RNU4ATAC: variants seen among roughly 807,000 people sequenced by gnomAD.
RNU4ATAC encodes RNA, U4atac small nuclear.
Position 121,531,005 on chromosome 2 carries a change from A to G in RNU4ATAC, n.125A>G, listed in dbSNP as rs1053541578. 2.9e-5 allele frequency: 20 copies of G among 700,228 alleles called. No homozygotes were observed. Among genetic ancestry groups the G allele is most frequent in the Admixed American group, 1.4e-4 (7 of 49,974 alleles). The allele number at this position is 700,228 out of a possible 1,614,324, so 43.4% of individuals were successfully genotyped here. ...GCTTTATTTTGGTGCAATTTTTGGAAAAATGAAAACCTGTTTTCATAGACT... is the reference window on the plus strand; with the variant it reads ...GCTTTATTTTGGTGCAATTTTTGGAGAAATGAAAACCTGTTTTCATAGACT... On this transcript the variant is annotated non_coding_transcript_exon_variant, in exon 1 of 1. Transcript: ENST00000580972.
chr2:121,530,997 T>G (rs863225423), exon 1 of RNU4ATAC: 2 of 700,202 alleles, frequency 2.9e-6, no homozygotes, highest in South Asian at 1.5e-5. Context: ...TTTGGTGCAA[T>G]TTTTGGAAAA....
Position 121,530,958 on chromosome 2 carries a change from A to C in RNU4ATAC, n.78A>C, listed in dbSNP as rs754148812. On this transcript the variant is annotated non_coding_transcript_exon_variant, in exon 1 of 1. Coordinates refer to ENST00000580972, the Ensembl canonical transcript of RNU4ATAC. Reference sequence around the variant, plus strand: ...AGTACTGCTAACGCCTGAACAACACACCCGCATCAACTAGAGCTTTTGCTT... The same window carrying C: ...AGTACTGCTAACGCCTGAACAACACCCCCGCATCAACTAGAGCTTTTGCTT... The C allele has an allele frequency of 1.0e-5, 7 of 700,232 alleles. No individual in the cohort carries two copies. The highest frequency in any genetic ancestry group is 5.4e-5 in the East Asian group (2 of 37,306). The allele number at this position is 700,232 out of a possible 1,614,324, so 43.4% of individuals were successfully genotyped here.
At chr2:121,530,896 G>T in exon 1 of RNU4ATAC, 2 of 694,744 alleles carry the variant, frequency 2.9e-6, no homozygotes, top group Non-Finnish European at 2.6e-6. Context: ...CCTTTTCTTG[G>T]GGTTGCGCTA....
chr2:121,530,962 GCA>G (rs1559534654), exon 1 of RNU4ATAC: 1 of 700,380 alleles, frequency 1.4e-6, no homozygotes, highest in East Asian at 2.7e-5. Context: ...CAACACACCC[GCA>G]TCAACTAGAG....
rs544312701 is a variant in RNU4ATAC, at chr2:121,531,003, G to A, written n.123G>A. On this transcript the variant is annotated non_coding_transcript_exon_variant, in exon 1 of 1. Transcript: ENST00000580972. ...TTGCTTTATTTTGGTGCAATTTTTGGAAAAATGAAAACCTGTTTTCATAGA... is the reference window on the plus strand; with the variant it reads ...TTGCTTTATTTTGGTGCAATTTTTGAAAAAATGAAAACCTGTTTTCATAGA... The A allele has an allele frequency of 3.7e-5, 26 of 700,188 alleles. No homozygotes were observed. Among genetic ancestry groups the A allele is most frequent in the African/African-American group, 1.4e-4 (8 of 57,254 alleles). 43.4% of individuals were successfully genotyped at this position (700,188 alleles called of 1,614,324 possible).
chr2:121,530,929 G>A lies in RNU4ATAC; in HGVS notation n.49G>A, dbSNP rs181195449. On this transcript the variant is annotated non_coding_transcript_exon_variant, in exon 1 of 1. Coordinates refer to ENST00000580972, the Ensembl canonical transcript of RNU4ATAC. ...CTACTGTCCAATGAGCGCATAGTGA[G>A]GGCAGTACTGCTAACGCCTGAACAA... is the stretch of plus-strand genomic sequence containing the variant. 1.7e-4 allele frequency: 117 copies of A among 700,228 alleles called. No individual in the cohort carries two copies. Among genetic ancestry groups the A allele is most frequent in the Middle Eastern group, 3.6e-4 (1 of 2,758 alleles). The allele number at this position is 700,228 out of a possible 1,614,324, so 43.4% of individuals were successfully genotyped here.
At chr2:121,530,901 G>T (rs879429057) in exon 1 of RNU4ATAC, 3 of 695,712 alleles carry the variant, frequency 4.3e-6, no homozygotes, top group East Asian at 2.7e-5. Context: ...TCTTGGGGTT[G>T]CGCTACTGTC....
rs555609754 is a variant in RNU4ATAC at position 121,530,921 on chromosome 2, C to G, written n.41C>G. 91 of 699,762 alleles carry G rather than the reference C, an allele frequency of 1.3e-4. No homozygotes were observed. Among genetic ancestry groups the G allele is most frequent in the Admixed American group, 6.8e-4 (34 of 49,986 alleles). 43.3% of individuals were successfully genotyped at this position (699,762 alleles called of 1,614,324 possible). On this transcript the variant is annotated non_coding_transcript_exon_variant, in exon 1 of 1. Coordinates refer to ENST00000580972, the Ensembl canonical transcript of RNU4ATAC. ...GGGTTGCGCTACTGTCCAATGAGCGCATAGTGAGGGCAGTACTGCTAACGC... is the reference window on the plus strand; with the variant it reads ...GGGTTGCGCTACTGTCCAATGAGCGGATAGTGAGGGCAGTACTGCTAACGC...
chr2:121,531,009 T>G (rs942363087), downstream of RNU4ATAC: 43 of 700,042 alleles, frequency 6.1e-5, no homozygotes, highest in Non-Finnish European at 8.1e-5. Flanking sequence ...TTTGGAAAAA[T>G]GAAAACCTGT....
At chr2:121,530,974 G>GT (rs2094803862) in exon 1 of RNU4ATAC, 4 of 700,352 alleles carry the variant, frequency 5.7e-6, no homozygotes, top group Non-Finnish European at 1.0e-5. Context: ...ATCAACTAGA[G>GT]CTTTTGCTTT....
exon 1 of RNU4ATAC, chr2:121,530,892 C>CT: frequency 4.3e-6 from 3 of 693,816 alleles, no homozygotes; most frequent in Non-Finnish European, 7.9e-6. Flanking sequence ...CCATCCTTTT[C>CT]TTGGGGTTGC....
exon 1 of RNU4ATAC, chr2:121,530,961 C>G (rs757387857): frequency 1.0e-5 from 7 of 700,272 alleles, no homozygotes; most frequent in Non-Finnish European, 1.6e-5. Context: ...ACAACACACC[C>G]GCATCAACTA....
At chr2:121,530,894 TG>T (rs761483970) in exon 1 of RNU4ATAC, 5 of 694,140 alleles carry the variant, frequency 7.2e-6, no homozygotes, top group South Asian at 4.5e-5. Flanking sequence ...ATCCTTTTCT[TG>T]GGGTTGCGCT....
exon 1 of RNU4ATAC, chr2:121,530,926 TG>T: frequency 1.4e-6 from 1 of 699,946 alleles, no homozygotes; most frequent in African/African-American, 1.7e-5. Flanking sequence ...GAGCGCATAG[TG>T]AGGGCAGTAC....
rs570265345 is a variant in RNU4ATAC at position 121,530,904 on chromosome 2, C to T, written n.24C>T. On this transcript the variant is annotated non_coding_transcript_exon_variant, in exon 1 of 1. Coordinates refer to ENST00000580972, the Ensembl canonical transcript of RNU4ATAC. The stretch of plus-strand genomic sequence containing the variant: ...TAACCATCCTTTTCTTGGGGTTGCG[C>T]TACTGTCCAATGAGCGCATAGTGAG... 137 of 697,582 alleles carry T rather than the reference C, an allele frequency of 2.0e-4. No homozygotes were observed. The highest frequency in any genetic ancestry group is 6.5e-4 in the South Asian group (44 of 67,426). The allele number at this position is 697,582 out of a possible 1,614,324, so 43.2% of individuals were successfully genotyped here. A position where few individuals can be genotyped will look rare whatever the true frequency, so the allele number is the denominator to read the frequency against.
rs773529556 is a variant in RNU4ATAC at position 121,530,983 on chromosome 2, T to G, written n.103T>G. The stretch of plus-strand genomic sequence containing the variant: ...ACCCGCATCAACTAGAGCTTTTGCT[T>G]TATTTTGGTGCAATTTTTGGAAAAA... On this transcript the variant is annotated non_coding_transcript_exon_variant, in exon 1 of 1. Coordinates refer to ENST00000580972, the Ensembl canonical transcript of RNU4ATAC. 58 of 700,256 alleles carry G rather than the reference T, an allele frequency of 8.3e-5. No homozygotes were observed. The highest frequency in any genetic ancestry group is 1.3e-4 in the Non-Finnish European group (50 of 384,788). 43.4% of individuals were successfully genotyped at this position (700,256 alleles called of 1,614,324 possible).
At chr2:121,530,979 T>C (rs1390465291) in exon 1 of RNU4ATAC, 5 of 700,314 alleles carry the variant, frequency 7.1e-6, no homozygotes, top group East Asian at 2.7e-5. Context: ...CTAGAGCTTT[T>C]GCTTTATTTT....
At chr2:121,531,008 A>T (rs893429850), downstream of RNU4ATAC, 1 of 700,230 alleles carries the variant, frequency 1.4e-6, no homozygotes, top group Non-Finnish European at 2.6e-6. Flanking sequence ...TTTTGGAAAA[A>T]TGAAAACCTG....
Position 121,530,961 on chromosome 2 carries a change from C to A in RNU4ATAC, n.81C>A, listed in dbSNP as rs757387857. ...ACTGCTAACGCCTGAACAACACACC[C>A]GCATCAACTAGAGCTTTTGCTTTAT... On this transcript the variant is annotated non_coding_transcript_exon_variant, in exon 1 of 1. Coordinates refer to ENST00000580972, the Ensembl canonical transcript of RNU4ATAC. 3 of 700,390 alleles carry A rather than the reference C, an allele frequency of 4.3e-6. No individual in the cohort carries two copies. The highest frequency in any genetic ancestry group is 3.7e-4 in the Middle Eastern group (1 of 2,736). 43.4% of individuals were successfully genotyped at this position (700,390 alleles called of 1,614,324 possible). A position where few individuals can be genotyped will look rare whatever the true frequency, so the allele number is the denominator to read the frequency against.
Sources: allele counts gnomAD v4.1 joint callset, GRCh38; gene constraint gnomAD v4.1.1; transcripts MANE v1.5; gene names NCBI Gene and HGNC (gene_info 2026-07-23, HGNC 2026-07-21).